VWA5B2: variants seen among roughly 807,000 people sequenced by gnomAD.
VWA5B2 encodes von Willebrand factor A domain-containing protein 5B2.
VWA5B2 carries 93 observed loss-of-function variants against 118.5 expected under a neutral mutation model. The ratio of observed to expected loss-of-function variants is 0.79; its 90% CI spans 0.66 to 0.93. The LOEUF (loss-of-function observed/expected upper bound fraction) is 0.93. Among genes scored for constraint, VWA5B2 ranks in the 40% least tolerant of loss-of-function variants. VWA5B2 has a pLI of 0.00. For missense variants in VWA5B2, 1,546 were observed against 1,672.8 expected (o/e 0.92, Z 1.32); for synonymous variants, 708 against 716.3 (o/e 0.99, Z 0.19).
Position 184,236,635 on chromosome 3 carries a change from C to T in VWA5B2, c.1422-3C>T. On this transcript the variant is annotated splice_region_variant and splice_polypyrimidine_tract_variant and intron_variant, in intron 10 of 19. Transcript: ENST00000691901. ...ATCACAGCTGCTTCCTTTCCTTCAT[C>T]AGATGCTTCTCCTTTGGGCTGGGGC... 2 of 1,550,712 alleles carry T rather than the reference C, an allele frequency of 1.3e-6. No homozygotes were observed. The highest frequency in any genetic ancestry group is 1.7e-6 in the Non-Finnish European group (2 of 1,146,308).
At position 184,242,254 on chromosome 3, in the gene VWA5B2, C is replaced by T. The variant is rs1275429612; in HGVS notation, c.*216C>T. 3 of 737,844 alleles carry T rather than the reference C, an allele frequency of 4.1e-6. No individual in the cohort carries two copies. In the African/African-American group the frequency reaches 5.2e-5, roughly 13 times the overall value. 45.7% of individuals were successfully genotyped at this position (737,844 alleles called of 1,614,324 possible). On this transcript the variant is annotated 3_prime_UTR_variant, in exon 20 of 20. Transcript: ENST00000691901. ...CCCCACTCACACTCCCCTCCATCCT[C>T]TGAGCTCCCTGCAACACAGTGGAAG...
rs1717168226 is a variant in VWA5B2, at chr3:184,229,636, G to A, written c.-227G>A. 6.6e-6 allele frequency among the ~76,000 whole-genome samples: 1 copy of A among 152,170 alleles called. No homozygotes were observed. The highest frequency in any genetic ancestry group is 1.5e-5 in the Non-Finnish European group (1 of 68,000). ...CTGGCGGCCGGCAGGTGCCGGGACC[G>A]AGGGCCACCCGGAGCGCAGAGGCGG... On this transcript the variant is annotated 5_prime_UTR_variant, in exon 1 of 20. Coordinates refer to ENST00000691901, the MANE Select transcript of VWA5B2 (RefSeq NM_001390846.1).
At position 184,233,413 on chromosome 3, in the gene VWA5B2, A is replaced by T; in HGVS notation, c.530+16A>T. The T allele has an allele frequency of 6.6e-7, 1 of 1,514,486 alleles. No homozygotes were observed. The highest frequency in any genetic ancestry group is 1.3e-5 in the South Asian group (1 of 78,004). 93.8% of individuals were successfully genotyped at this position (1,514,486 alleles called of 1,614,324 possible). On this transcript the variant is annotated intron_variant, in intron 4 of 19. Transcript: ENST00000691901. This position sits in a 1 kb window ranked among gnomAD's most constrained non-coding sequence, Gnocchi z 5.2. ...GTGACGACAGGTTGGGCCTATGGTGATTCTCTTCGTCCCTCCCTCGGCTTC... is the reference window on the plus strand; with the variant it reads ...GTGACGACAGGTTGGGCCTATGGTGTTTCTCTTCGTCCCTCCCTCGGCTTC...
In VWA5B2 at chr3:184,237,394, C is replaced by T. The variant is rs964764593; in HGVS notation, c.1702C>T (p.Arg568Trp). The T allele has an allele frequency of 3.5e-5, 55 of 1,549,364 alleles. No individual in the cohort carries two copies. Among genetic ancestry groups the T allele is most frequent in the Non-Finnish European group, 4.4e-5 (50 of 1,145,612 alleles). The change falls in exon 12 of 20, where the codon CGG (arginine) becomes TGG (tryptophan). Residue 568 changes from arginine (R) to tryptophan (W), a missense_variant. By Grantham distance (101) the Arg-to-Trp change is moderately radical (BLOSUM62 -3). This residue lies in a region of VWA5B2 where 775 missense variants were observed against 882.3 expected (regional missense o/e 0.88). Coordinates refer to ENST00000691901, the MANE Select transcript of VWA5B2 (RefSeq NM_001390846.1). This position sits in a 1 kb window ranked among gnomAD's most constrained non-coding sequence, Gnocchi z 5.6. ...YCSLFRVDGFRSRPPGGQEPG... is the reference protein window; with the variant it reads ...YCSLFRVDGFWSRPPGGQEPG... Reference sequence around the variant, plus strand: ...CTCACTCTTCAGGGTGGATGGCTTCCGGTCCCGCCCACCAGGGGTAAGCTT... The same window carrying T: ...CTCACTCTTCAGGGTGGATGGCTTCTGGTCCCGCCCACCAGGGGTAAGCTT...
chr3:184,233,175 T>C lies in VWA5B2; in HGVS notation c.311-3T>C, dbSNP rs1242916377. ...CTCTGACCCCATTTCTCACCCATCA[T>C]AGGTCATCTTGTCTTGGATCTGGCC... On this transcript the variant is annotated splice_region_variant and splice_polypyrimidine_tract_variant and intron_variant, in intron 3 of 19. Coordinates refer to ENST00000691901, the MANE Select transcript of VWA5B2 (RefSeq NM_001390846.1). This position sits in a 1 kb window ranked among gnomAD's most constrained non-coding sequence, Gnocchi z 5.2. The C allele has an allele frequency of 3.9e-6, 6 of 1,549,986 alleles. No individual in the cohort carries two copies. The highest frequency in any genetic ancestry group is 3.6e-5 in the South Asian group (3 of 83,866).
At position 184,238,822 on chromosome 3, in the gene VWA5B2, T is replaced by C; in HGVS notation, c.2151T>C (p.Pro717=). 6.5e-7 allele frequency: 1 copy of C among 1,535,506 alleles called. No homozygotes were observed. Among genetic ancestry groups the C allele is most frequent in the Non-Finnish European group, 8.8e-7 (1 of 1,134,530 alleles). The change falls in exon 14 of 20, where the codon CCT becomes CCC. Residue 717 remains proline, a synonymous_variant. Coordinates refer to ENST00000691901, the MANE Select transcript of VWA5B2 (RefSeq NM_001390846.1). This position sits in a 1 kb window ranked among gnomAD's most constrained non-coding sequence, Gnocchi z 5.0. ...QGCRSLAWGE[P]AGSRSCPLPA... is the part of the protein sequence containing the mutation. Reference sequence around the variant, plus strand: ...GCCGCAGTCTGGCCTGGGGAGAACCTGCAGGCTCCCGCTCCTGTCCCCTGC... The same window carrying C: ...GCCGCAGTCTGGCCTGGGGAGAACCCGCAGGCTCCCGCTCCTGTCCCCTGC...
chr3:184,236,819 A>C (rs1718053186), intron 11 of VWA5B2, 70 bp downstream of exon 11: 2 of 1,330,666 alleles, frequency 1.5e-6, no homozygotes, highest in East Asian at 5.1e-5. Context: ...TCAAGTCTGA[A>C]ACAGAACTCA....
intron 7 of VWA5B2, 133 bp from the exon 8 acceptor site, chr3:184,235,020 T>G: frequency 8.1e-7 from 1 of 1,227,600 alleles, no homozygotes; most frequent in Non-Finnish European, 1.1e-6. Context: ...CCTGCCTTTA[T>G]TCGAATTACT....
rs1220705390 is a variant in VWA5B2, at chr3:184,235,306, A to C, written c.1099A>C (p.Lys367Gln). 1 of 1,551,396 alleles carries C rather than the reference A, an allele frequency of 6.4e-7. No individual in the cohort carries two copies. The change falls in exon 8 of 20, where the codon AAG becomes CAG. Residue 367 changes from lysine to glutamine, a missense_variant and splice_region_variant. Transcript: ENST00000691901. ...FLLDSSSVAH[K>Q]DAIVLAVKSL... ...TTTGGATAGCAGCAGCGTGGCACAC[A>C]AGGCCCGTGGGGGTGTGGTGTGGGC...
At chr3:184,235,111 C>A in intron 7 of VWA5B2, 42 bp from the exon 8 acceptor site, 1 of 1,541,618 alleles carries the variant, frequency 6.5e-7, no homozygotes, top group South Asian at 1.2e-5. Flanking sequence ...AACAAAGTAG[C>A]ACTAAGCCTT....
chr3:184,236,488 C>T lies in VWA5B2; in HGVS notation c.1358C>T (p.Ser453Leu), dbSNP rs1378455976. ...CAGCTGTTCCTGCTCACTGCTGCCTCACCCATGGCCGCCACTACCCACCGA... is the reference window on the plus strand; with the variant it reads ...CAGCTGTTCCTGCTCACTGCTGCCTTACCCATGGCCGCCACTACCCACCGA... Reference protein sequence around the residue: ...PRQLFLLTAASPMAATTHRTL... With the variant: ...PRQLFLLTAALPMAATTHRTL... Residue 453 changes from serine to leucine, a missense_variant, in exon 10 of 20, where the codon TCA becomes TTA. By Grantham distance (145) the Ser-to-Leu change is moderately radical. Transcript: ENST00000691901. 5 of 1,547,426 alleles carry T rather than the reference C, an allele frequency of 3.2e-6. No homozygotes were observed. In the Admixed American group the frequency reaches 7.8e-5, roughly 24 times the overall value.
In VWA5B2 at chr3:184,241,032, G is replaced by A. The variant is rs1344457453; in HGVS notation, c.2887G>A (p.Glu963Lys). 9 of 1,551,626 alleles carry A rather than the reference G, an allele frequency of 5.8e-6. No homozygotes were observed. The African/African-American group carries it at 1.2e-4, about 21-fold the overall frequency. The change falls in exon 18 of 20, where the codon GAG becomes AAG. Residue 963 changes from glutamate to lysine, a missense_variant. Physicochemically the swap from Glu to Lys is moderately conservative, Grantham distance 56 (BLOSUM62 1). This residue lies in a region of VWA5B2 where 763 missense variants were observed against 766.6 expected (regional missense o/e 1.00). Transcript: ENST00000691901. The surrounding 1 kb of genome is among the most constrained non-coding windows in gnomAD (Gnocchi z 5.1). ...ALQVCSSEPA[E>K]PPGTPPASHS... ...CCCATGTGCCCCTGCAGAGCCCGCT[G>A]AGCCCCCAGGAACCCCTCCTGCCTC...
rs574140361 is a variant in VWA5B2, at chr3:184,237,467, A to G, written c.1719+56A>G. 2.1e-4 allele frequency: 320 copies of G among 1,491,638 alleles called. No individual in the cohort carries two copies. In the African/African-American group the frequency reaches 3.5e-3, roughly 17 times the overall value. 92.4% of individuals were successfully genotyped at this position (1,491,638 alleles called of 1,614,324 possible). A position where few individuals can be genotyped will look rare whatever the true frequency, so the allele number is the denominator to read the frequency against. On this transcript the variant is annotated intron_variant, in intron 12 of 19. Coordinates refer to ENST00000691901, the MANE Select transcript of VWA5B2 (RefSeq NM_001390846.1). This position sits in a 1 kb window ranked among gnomAD's most constrained non-coding sequence, Gnocchi z 5.6. ...CTAGGGTGAGGTAGGGGGGCCTGGG[A>G]TGGCTGAAGTCCCCGCATCTCTTCC...
At position 184,238,844 on chromosome 3, in the gene VWA5B2, C is replaced by A; in HGVS notation, c.2173C>A (p.Leu725Met). 1 of 1,521,730 alleles carries A rather than the reference C, an allele frequency of 6.6e-7. No individual in the cohort carries two copies. The allele number at this position is 1,521,730 out of a possible 1,614,324, so 94.3% of individuals were successfully genotyped here. A position where few individuals can be genotyped will look rare whatever the true frequency, so the allele number is the denominator to read the frequency against. Residue 725 changes from leucine to methionine, a missense_variant, in exon 14 of 20, where the codon CTG (leucine) becomes ATG (methionine). Leu to Met is a conservative substitution (Grantham distance 15, BLOSUM62 2). This residue lies in a region of VWA5B2 where 763 missense variants were observed against 766.6 expected (regional missense o/e 1.00). Transcript: ENST00000691901. This position sits in a 1 kb window ranked among gnomAD's most constrained non-coding sequence, Gnocchi z 5.0. ...GEPAGSRSCP[L>M]PAPTPAPFKV... ...ACCTGCAGGCTCCCGCTCCTGTCCC[C>A]TGCCTGCACCCACACCAGCTCCATT...
Position 184,233,714 on chromosome 3 carries a change from T to C in VWA5B2, c.669T>C (p.Thr223=). ...PYTFSFEMLV[T]GPCLLAGLES... ...CCTTCTCCTTCGAGATGCTGGTGACTGGGCCATGCCTGCTTGCAGGTGGGT... is the reference window on the plus strand; with the variant it reads ...CCTTCTCCTTCGAGATGCTGGTGACCGGGCCATGCCTGCTTGCAGGTGGGT... Residue 223 remains threonine, a synonymous_variant, in exon 5 of 20, where the codon ACT becomes ACC. Coordinates refer to ENST00000691901, the MANE Select transcript of VWA5B2 (RefSeq NM_001390846.1). The surrounding 1 kb of genome is among the most constrained non-coding windows in gnomAD (Gnocchi z 5.2). 1.9e-6 allele frequency: 3 copies of C among 1,550,710 alleles called. No individual in the cohort carries two copies. Among genetic ancestry groups the C allele is most frequent in the Non-Finnish European group, 2.6e-6 (3 of 1,146,992 alleles).
Position 184,239,821 on chromosome 3 carries a change from T to A in VWA5B2, c.2525T>A (p.Val842Glu). The change falls in exon 16 of 20, where the codon GTG becomes GAG. Residue 842 changes from valine (V) to glutamate (E), a missense_variant. Physicochemically the swap from Val to Glu is moderately radical, Grantham distance 121. Transcript: ENST00000691901. This position sits in a 1 kb window ranked among gnomAD's most constrained non-coding sequence, Gnocchi z 5.1. The stretch of plus-strand genomic sequence containing the variant: ...CCCCAGGCTCCACGCTGCCATGTGG[T>A]GATCCGGGGCCTGTGTGGGGAGCAG... ...VPPQAPRCHVVIRGLCGEQPM... is the reference protein window; with the variant it reads ...VPPQAPRCHVEIRGLCGEQPM... 1 of 1,550,958 alleles carries A rather than the reference T, an allele frequency of 6.4e-7. No homozygotes were observed. Among genetic ancestry groups the A allele is most frequent in the South Asian group, 1.2e-5 (1 of 83,990 alleles).
rs1028111190 is a variant in VWA5B2 at position 184,234,217 on chromosome 3, G to A, written c.689-49G>A. 4 of 1,541,648 alleles carry A rather than the reference G, an allele frequency of 2.6e-6. No individual in the cohort carries two copies. The African/African-American group carries it at 4.1e-5, about 16-fold the overall frequency. The stretch of plus-strand genomic sequence containing the variant: ...ACCCCTGCCAACATTTGCTGTCCCT[G>A]GGAAGGTGTTATGGCTACATCTCCC... On this transcript the variant is annotated intron_variant, in intron 5 of 19. Coordinates refer to ENST00000691901, the MANE Select transcript of VWA5B2 (RefSeq NM_001390846.1).
At position 184,235,208 on chromosome 3, in the gene VWA5B2, C is replaced by T. The variant is rs896916338; in HGVS notation, c.1001C>T (p.Ala334Val). Residue 334 changes from alanine to valine, a missense_variant, in exon 8 of 20, where the codon GCG (alanine) becomes GTG (valine). Around this residue, in one of 3 missense-constraint regions of VWA5B2, gnomAD observed 775 missense variants for 882.3 expected, o/e 0.88. Transcript: ENST00000691901. Reference sequence around the variant, plus strand: ...GACATCCTGCTGAACCCCGTGCTGGCGCTGAGCTTCTGCCCAGACCTGAGC... The same window carrying T: ...GACATCCTGCTGAACCCCGTGCTGGTGCTGAGCTTCTGCCCAGACCTGAGC... ...HKDILLNPVL[A>V]LSFCPDLSSK... 3.2e-5 allele frequency: 50 copies of T among 1,551,572 alleles called. No homozygotes were observed. The highest frequency in any genetic ancestry group is 3.9e-5 in the Non-Finnish European group (45 of 1,146,994).
rs2108438160 is a variant in VWA5B2, at chr3:184,242,068, C to T, written c.*30C>T. On this transcript the variant is annotated 3_prime_UTR_variant, in exon 20 of 20. Transcript: ENST00000691901. ...TGCCCCCTGCTGCTTGGGCTGGCGC[C>T]CCACCCAACACACTCAAGTCACTGC... 1 of 1,544,026 alleles carries T rather than the reference C, an allele frequency of 6.5e-7. No individual in the cohort carries two copies. The highest frequency in any genetic ancestry group is 8.7e-7 in the Non-Finnish European group (1 of 1,146,536).
Sources: allele counts gnomAD v4.1 joint callset (sites outside exome capture counted in the v4.1 genomes callset), GRCh38; gene constraint gnomAD v4.1.1; regional missense constraint gnomAD v4.1.1; non-coding constraint Gnocchi (gnomAD v3.1); transcripts MANE v1.5; gene names NCBI Gene and HGNC (gene_info 2026-07-23, HGNC 2026-07-21).